TPR: variants seen among roughly 807,000 people sequenced by gnomAD.
TPR encodes the protein translocated promoter region, nuclear basket protein.
A neutral mutation model predicts 316.1 loss-of-function variants in TPR; 51 were observed. The ratio of observed to expected loss-of-function variants is 0.16; its 90% CI spans 0.13 to 0.20. TPR has a LOEUF of 0.20. Among genes scored for constraint, TPR ranks in the 10% least tolerant of loss-of-function variants. The probability of loss-of-function intolerance (pLI) is 1.00; values close to 1 mark genes in which losing one functional copy is unlikely to be tolerated. For missense variants in TPR, 2,272 were observed against 2,754.8 expected (o/e 0.82, Z 3.92); for synonymous variants, 981 against 914.7 (o/e 1.07, Z -1.31).
chr1:186,364,197 A>G (rs1273013547), intron 4 of TPR, among the ~76,000 whole-genome samples: 1 of 152,208 alleles, frequency 6.6e-6, no homozygotes, highest in Non-Finnish European at 1.5e-5. Flanking sequence ...TAAACCTTGA[A>G]TAACAACATG....
chr1:186,361,441 T>C (rs1659185165), intron 9 of TPR, among the ~76,000 whole-genome samples, 181 bp downstream of exon 9: 1 of 151,898 alleles, frequency 6.6e-6, no homozygotes, highest in Non-Finnish European at 1.5e-5. Context: ...CAAAAATATA[T>C]AAACTTACAT....
At chr1:186,327,703 A>T (rs750138538) in intron 39 of TPR, 43 bp from the exon 40 acceptor site, 7 of 1,539,348 alleles carry the variant, frequency 4.5e-6, no homozygotes, top group African/African-American at 1.4e-5. Context: ...GAGCCCTATA[A>T]ACATACCTAA....
In TPR at chr1:186,326,172, C is replaced by T. The variant is rs1191609040; in HGVS notation, c.5953G>A (p.Gly1985Ser). The change falls in exon 41 of 51, where the codon GGT (glycine) becomes AGT (serine). Residue 1985 changes from glycine to serine, a missense_variant. Gly to Ser is a moderately conservative substitution (Grantham distance 56). Around this residue, in one of 10 missense-constraint regions of TPR, gnomAD observed 435 missense variants for 461.1 expected, o/e 0.94. Coordinates refer to ENST00000367478, the MANE Select transcript of TPR (RefSeq NM_003292.3). ...DEDDTGMGDE[G>S]EDSNEGTGSA... ...CCAGTTCCTTCATTACTATCTTCACCCTCATCTCCCATCCCTGTGTCATCT... is the reference window on the plus strand; with the variant it reads ...CCAGTTCCTTCATTACTATCTTCACTCTCATCTCCCATCCCTGTGTCATCT... The T allele has an allele frequency of 6.2e-7, 1 of 1,610,930 alleles. No individual in the cohort carries two copies. Among genetic ancestry groups the T allele is most frequent in the Non-Finnish European group, 8.5e-7 (1 of 1,177,412 alleles).
At chr1:186,322,201 A>C in intron 45 of TPR, 117 bp downstream of exon 45, 2 of 928,312 alleles carry the variant, frequency 2.2e-6, no homozygotes, top group Non-Finnish European at 3.3e-6. Flanking sequence ...AGTACTTATT[A>C]GTACATAGTA....
Position 186,351,296 on chromosome 1 carries a change from AC to A in TPR, c.2610+33del, listed in dbSNP as rs772979258. The A allele has an allele frequency of 6.4e-6, 10 of 1,567,814 alleles. No individual in the cohort carries two copies. In the African/African-American group the frequency reaches 9.6e-5, roughly 15 times the overall value. ...ACCAGATTAATTACTGAACATAAAC[AC>A]CCTACAGAAATTCAGAACTCTGATG... On this transcript the variant is annotated intron_variant, in intron 20 of 50. Coordinates refer to ENST00000367478, the MANE Select transcript of TPR (RefSeq NM_003292.3).
At position 186,341,235 on chromosome 1, in the gene TPR, A is replaced by G. The variant is rs1297968278; in HGVS notation, c.3888+17T>C. ...TAAAAACAACATGCTTCCACTCTTG[A>G]TAACTAAGCAACAAACCTTTGCTTG... On this transcript the variant is annotated intron_variant, in intron 28 of 50. Transcript: ENST00000367478. The G allele has an allele frequency of 6.2e-7, 1 of 1,613,430 alleles. No individual in the cohort carries two copies. Among genetic ancestry groups the G allele is most frequent in the African/African-American group, 1.3e-5 (1 of 74,930 alleles).
At chr1:186,327,377 C>G in intron 40 of TPR, 83 bp downstream of exon 40, 3 of 1,217,698 alleles carry the variant, frequency 2.5e-6, no homozygotes, top group Non-Finnish European at 3.4e-6. Context: ...CCAGAATTTA[C>G]AGCCAATGCA....
intron 31 of TPR, among the ~76,000 whole-genome samples, chr1:186,337,684 AT>A (rs1232310411): frequency 6.6e-6 from 1 of 152,018 alleles, no homozygotes; most frequent in Non-Finnish European, 1.5e-5. Flanking sequence ...AGATTTCTGA[AT>A]TTTTTTGATA....
intron 18 of TPR, 93 bp from the exon 19 acceptor site, chr1:186,352,203 CT>C (rs911049281): frequency 1.5e-4 from 179 of 1,226,586 alleles, no homozygotes; most frequent in Non-Finnish European, 1.7e-4. Context: ...TACATCACTA[CT>C]TTTTTTTAAT....
At chr1:186,362,679 ATTGG>A (rs1471564362) in intron 6 of TPR, among the ~76,000 whole-genome samples, 154 bp downstream of exon 6, 2 of 152,014 alleles carry the variant, frequency 1.3e-5, no homozygotes, top group African/African-American at 4.8e-5. Flanking sequence ...TGTAAACGCA[ATTGG>A]TTGATTTTTT....
intron 49 of TPR, 77 bp from the exon 50 acceptor site, chr1:186,314,801 AAATG>A (rs532630036): frequency 1.7e-4 from 141 of 835,876 alleles, no homozygotes; most frequent in Non-Finnish European, 2.4e-4. Context: ...ACTAATTACT[AAATG>A]AATGAATGAA....
intron 18 of TPR, 58 bp from the exon 19 acceptor site, chr1:186,352,168 A>C: frequency 6.8e-7 from 1 of 1,474,546 alleles, no homozygotes; most frequent in South Asian, 1.4e-5. Flanking sequence ...CAAGTGTATT[A>C]AGATTATAAA....
At chr1:186,320,272 T>C in intron 46 of TPR, 40 bp downstream of exon 46, 1 of 1,526,206 alleles carries the variant, frequency 6.6e-7, no homozygotes, top group Non-Finnish European at 8.9e-7. Flanking sequence ...TATTACCAAA[T>C]ACATACAAAT....
chr1:186,350,147 T>G, intron 21 of TPR, 76 bp downstream of exon 21: 2 of 1,317,958 alleles, frequency 1.5e-6, no homozygotes, highest in Non-Finnish European at 2.0e-6. Flanking sequence ...ATTAGGCTAT[T>G]TACTGACAGG....
intron 37 of TPR, 22 bp downstream of exon 37, chr1:186,333,100 T>G: frequency 6.2e-7 from 1 of 1,610,974 alleles, no homozygotes; most frequent in Non-Finnish European, 8.5e-7. Context: ...CTACTCTGAC[T>G]TCATTTTAAA....
intron 18 of TPR, 150 bp downstream of exon 18, chr1:186,353,538 G>T: frequency 1.3e-6 from 1 of 791,672 alleles, no homozygotes; most frequent in Non-Finnish European, 2.0e-6. Flanking sequence ...ACGCACACTG[G>T]CTATTTGCAA....
chr1:186,372,031 T>TA (rs1417329380), intron 2 of TPR, among the ~76,000 whole-genome samples: 1 of 152,166 alleles, frequency 6.6e-6, no homozygotes, highest in Non-Finnish European at 1.5e-5. Context: ...CAAAACTACA[T>TA]AGATAATGAA....
At chr1:186,319,537 A>G (rs186391852) in intron 46 of TPR, among the ~76,000 whole-genome samples, 2 of 152,300 alleles carry the variant, frequency 1.3e-5, no homozygotes, top group African/African-American at 4.8e-5. Context: ...AAGTCACAAA[A>G]TCACATAACA....
chr1:186,317,519 G>C lies in TPR; in HGVS notation c.6903C>G (p.Pro2301=). The C allele has an allele frequency of 6.2e-7, 1 of 1,614,168 alleles. No individual in the cohort carries two copies. The highest frequency in any genetic ancestry group is 8.5e-7 in the Non-Finnish European group (1 of 1,180,038). Reference sequence around the variant, plus strand: ...TAGAAGGAGGATCCTGGCTGGTGGAGGGGAGATCTGACTCATCAGATGCTT... The same window carrying C: ...TAGAAGGAGGATCCTGGCTGGTGGACGGGAGATCTGACTCATCAGATGCTT... The part of the protein sequence containing the change: ...PVQASDESDL[P]STSQDPPSSS... The change falls in exon 49 of 51, where the codon CCC becomes CCG. Residue 2301 remains proline (P), a synonymous_variant. Transcript: ENST00000367478.
Sources: gnomAD v4.1 joint callset for allele counts (sites outside exome capture counted in the v4.1 genomes callset) on GRCh38, gnomAD v4.1.1 for gene constraint, gnomAD v4.1.1 regional missense constraint, MANE v1.5 for transcripts, NCBI Gene and HGNC (gene_info 2026-07-23, HGNC 2026-07-21) for gene names.